MAPRE2: variants seen among roughly 807,000 people sequenced by gnomAD.
The protein encoded by MAPRE2 is microtubule associated protein RP/EB family member 2, also known as microtubule-associated protein RP/EB family member 2.
Under a neutral mutation model 43.2 loss-of-function variants are expected in MAPRE2, and 13 were observed. The ratio of observed to expected loss-of-function variants is 0.30; its 90% CI spans 0.20 to 0.48. The LOEUF is 0.48. Ranked by LOEUF, MAPRE2 falls within the 20% of genes least tolerant of loss-of-function variation. MAPRE2 has a pLI of 0.99. For synonymous variants in MAPRE2, 135 were observed against 148.8 expected (o/e 0.91, Z 0.68); for missense variants, 161 against 400.2 (o/e 0.40, Z 5.10).
intron 1 of MAPRE2, among the ~76,000 whole-genome samples, chr18:34,985,331 A>T (rs1415798870): frequency 8.3e-5 from 3 of 36,242 alleles, no homozygotes; most frequent in African/African-American, 2.1e-4. Context: ...TATATAATAT[A>T]ATATATAATA....
At chr18:34,994,078 C>T (rs1344107338) in intron 1 of MAPRE2, among the ~76,000 whole-genome samples, 1 of 143,312 alleles carries the variant, frequency 7.0e-6, no homozygotes, top group Non-Finnish European at 1.5e-5. Flanking sequence ...TTTGACATTG[C>T]TTTGCAGATC....
chr18:35,004,796 T>C (rs2097031001), intron 1 of MAPRE2, among the ~76,000 whole-genome samples: 1 of 151,730 alleles, frequency 6.6e-6, no homozygotes, highest in Non-Finnish European at 1.5e-5. Flanking sequence ...CGGGCGCCTG[T>C]AGTCCCAGCT....
rs1906131383 is a variant in MAPRE2, at chr18:35,054,771, T to C, written c.122+13110T>C. Among the ~76,000 whole-genome samples the C allele has an allele frequency of 2.0e-5, 3 of 152,224 alleles. No individual in the cohort carries two copies. The South Asian group carries it at 6.2e-4, about 32-fold the overall frequency. ...AGGGAGCCTAGATGATGATGTCCAT[T>C]TGGCTTTTAGGACTCTTAACTAGCA... On this transcript the variant is annotated intron_variant, in intron 1 of 6. Transcript: ENST00000300249.
chr18:34,999,564 T>C (rs1301569585), intron 1 of MAPRE2, among the ~76,000 whole-genome samples: 4 of 152,254 alleles, frequency 2.6e-5, no homozygotes, highest in South Asian at 2.1e-4. Context: ...GATTATCTTT[T>C]ATTTTTATAG....
At chr18:35,062,475 G>T (rs911361897) in intron 1 of MAPRE2, among the ~76,000 whole-genome samples, 1 of 152,166 alleles carries the variant, frequency 6.6e-6, no homozygotes, top group African/African-American at 2.4e-5. Context: ...CTTTACAAGC[G>T]CATTTGAAAT....
chr18:35,076,878 A>G (rs1252150823), intron 2 of MAPRE2, among the ~76,000 whole-genome samples: 6 of 152,170 alleles, frequency 3.9e-5, no homozygotes, highest in African/African-American at 1.4e-4. Context: ...TTGGGTCTCT[A>G]ACTGGGTAGA....
At chr18:35,063,416 T>C (rs1403493239) in intron 1 of MAPRE2, among the ~76,000 whole-genome samples, 1 of 151,916 alleles carries the variant, frequency 6.6e-6, no homozygotes, top group East Asian at 1.9e-4. Context: ...CTCAGAACAT[T>C]TTATGTTGAA....
At position 35,097,478 on chromosome 18, in the gene MAPRE2, T is replaced by G; in HGVS notation, c.283T>G (p.Phe95Val). The G allele has an allele frequency of 6.2e-7, 1 of 1,613,958 alleles. No individual in the cohort carries two copies. Among genetic ancestry groups the G allele is most frequent in the African/African-American group, 1.3e-5 (1 of 75,050 alleles). The stretch of plus-strand genomic sequence containing the variant: ...CTATTGCCAATTCATGGACATGCTC[T>G]TCCCTGGCTGCATTAGTTTGAAGAA... The part of the protein sequence containing the change: ...AAYCQFMDML[F>V]PGCISLKKVK... Residue 95 changes from phenylalanine (F) to valine (V), a missense_variant, in exon 3 of 7, where the codon TTC (phenylalanine) becomes GTC (valine). Phe to Val is a conservative substitution (Grantham distance 50, BLOSUM62 -1). Around this residue, in one of 2 missense-constraint regions of MAPRE2, gnomAD observed 65 missense variants for 246.9 expected, o/e 0.26. Coordinates refer to ENST00000300249, the MANE Select transcript of MAPRE2 (RefSeq NM_014268.4).
At chr18:35,079,300 G>A (rs1371047113) in intron 2 of MAPRE2, among the ~76,000 whole-genome samples, 2 of 152,106 alleles carry the variant, frequency 1.3e-5, no homozygotes, top group African/African-American at 2.4e-5. Context: ...TTACAAGCTT[G>A]GTTCCCACAA....
At chr18:35,131,732 A>C (rs1019334022) in intron 5 of MAPRE2, among the ~76,000 whole-genome samples, 1 of 152,300 alleles carries the variant, frequency 6.6e-6, no homozygotes, top group South Asian at 2.1e-4. Context: ...CTATGTTAGC[A>C]GGAGACGAAA....
intron 4 of MAPRE2, among the ~76,000 whole-genome samples, chr18:35,119,614 G>A (rs954727382): frequency 2.0e-5 from 3 of 152,152 alleles, no homozygotes; most frequent in South Asian, 4.1e-4. Context: ...AAGCACAGAC[G>A]GAGATAGATA....
chr18:35,097,624 T>A, intron 3 of MAPRE2, 33 bp downstream of exon 3: 1 of 1,582,776 alleles, frequency 6.3e-7, no homozygotes. Flanking sequence ...AAATGTGTTG[T>A]TTTTTCTTAA....
At chr18:34,987,963 G>T (rs1448151949) in intron 1 of MAPRE2, among the ~76,000 whole-genome samples, 1 of 152,228 alleles carries the variant, frequency 6.6e-6, no homozygotes, top group East Asian at 1.9e-4. Context: ...CTTTTTCAAA[G>T]ACCTCATGGA....
At chr18:35,125,982 G>A (rs77986435) in intron 4 of MAPRE2, among the ~76,000 whole-genome samples, 1,942 of 152,252 alleles carry the variant, frequency 0.013, 39 homozygotes, top group African/African-American at 0.045. Flanking sequence ...TAAAGTTTAC[G>A]TGTCCAATGA....
intron 3 of MAPRE2, among the ~76,000 whole-genome samples, chr18:35,099,143 G>A (rs1908558578): frequency 6.6e-6 from 1 of 152,144 alleles, no homozygotes; most frequent in Non-Finnish European, 1.5e-5. Context: ...TGTACCACCA[G>A]TGTCTAAAAC....
chr18:35,111,044 C>G (rs1272390794), intron 4 of MAPRE2, among the ~76,000 whole-genome samples: 1 of 152,092 alleles, frequency 6.6e-6, no homozygotes, highest in Non-Finnish European at 1.5e-5. Context: ...TCCATTCTTT[C>G]TCCTGTCCTT....
chr18:35,055,688 C>T (rs1047405715), intron 1 of MAPRE2, among the ~76,000 whole-genome samples: 1 of 152,150 alleles, frequency 6.6e-6, no homozygotes, highest in Non-Finnish European at 1.5e-5. Flanking sequence ...TGTGGTGGCT[C>T]ACGCCTGTAA....
chr18:35,004,841 C>T (rs1269073346), intron 1 of MAPRE2, among the ~76,000 whole-genome samples: 1 of 151,646 alleles, frequency 6.6e-6, no homozygotes, highest in African/African-American at 2.4e-5. Context: ...TGGCGTGAGC[C>T]CAGGAGGCAG....
intron 1 of MAPRE2, among the ~76,000 whole-genome samples, chr18:34,981,873 T>A (rs1308199587): frequency 4.8e-4 from 19 of 39,364 alleles, no homozygotes; most frequent in East Asian, 7.4e-3. Flanking sequence ...TATTTTTTTT[T>A]TTTATTTTTA....
Sources: gnomAD v4.1 joint callset for allele counts (sites outside exome capture counted in the v4.1 genomes callset) on GRCh38, gnomAD v4.1.1 for gene constraint, gnomAD v4.1.1 regional missense constraint, MANE v1.5 for transcripts, NCBI Gene and HGNC (gene_info 2026-07-23, HGNC 2026-07-21) for gene names.